Variants in CEP70 observed in about 807,000 individuals in gnomAD.
CEP70 encodes the protein centrosomal protein 70, also known as centrosomal protein of 70 kDa.
In CEP70, 70 loss-of-function variants were observed where a neutral mutation model predicts 90.9. That is an observed-to-expected ratio of 0.77 (90% confidence interval 0.64 to 0.94). CEP70 has a LOEUF of 0.94. CEP70 is among the 40% of genes least tolerant of loss of function. The probability of loss-of-function intolerance (pLI) is 0.00; values close to 1 mark genes in which losing one functional copy is unlikely to be tolerated. For synonymous variants in CEP70, 220 were observed against 228.3 expected, an observed-to-expected ratio of 0.96 and a Z score of 0.33; for missense variants, 648 against 669.0, an observed-to-expected ratio of 0.97 and a Z score of 0.35.
intron 2 of CEP70, among the ~76,000 whole-genome samples, chr3:138,581,694 C>CAAAAAAAAAAAAAAAAAAAA (rs35064874): frequency 3.8e-5 from 3 of 79,354 alleles, no homozygotes; most frequent in Admixed American, 1.5e-4. Context: ...AAACTTGTCT[C>CAAAAAAAAAAAAAAAAAAAA]AAAAAAAAAA....
chr3:138,514,600 A>C (rs2035834645), intron 11 of CEP70, among the ~76,000 whole-genome samples: 1 of 152,118 alleles, frequency 6.6e-6, no homozygotes, highest in Non-Finnish European at 1.5e-5. Flanking sequence ...TTTACCTTGA[A>C]AAGTAAATTT....
chr3:138,508,374 C>T (rs1307576554), intron 12 of CEP70, 65 bp downstream of exon 12: 12 of 1,021,202 alleles, frequency 1.2e-5, no homozygotes, highest in Non-Finnish European at 1.9e-5. Context: ...TTTATTACAC[C>T]ACAACTGATA....
At chr3:138,514,662 T>G (rs1386890315) in intron 11 of CEP70, among the ~76,000 whole-genome samples, 1 of 152,136 alleles carries the variant, frequency 6.6e-6, no homozygotes, top group Admixed American at 6.5e-5. Flanking sequence ...TTTAAGTTTT[T>G]AAAATCTTTT....
At chr3:138,495,264 C>T (rs1286682646) in intron 17 of CEP70, among the ~76,000 whole-genome samples, 188 bp from the exon 18 acceptor site, 1 of 152,220 alleles carries the variant, frequency 6.6e-6, no homozygotes, top group Non-Finnish European at 1.5e-5. Flanking sequence ...AGATGCTTCA[C>T]AGGGGCTCTG....
chr3:138,537,630 T>A (rs1052735749), intron 6 of CEP70, among the ~76,000 whole-genome samples: 4 of 152,156 alleles, frequency 2.6e-5, no homozygotes, highest in African/African-American at 4.8e-5. Context: ...AGAATTTCCA[T>A]AAAACTGGTA....
In CEP70 at chr3:138,556,308, T is replaced by C. The variant is rs147272323; in HGVS notation, c.465+14010A>G. Among the ~76,000 whole-genome samples the C allele has an allele frequency of 5.6e-3, 858 of 152,108 alleles. 7 individuals carry two copies. The highest frequency in any genetic ancestry group is 0.02 in the African/African-American group (826 of 41,494). ...ACTTTCGGAGGCTAAGGTGGGTGGATCATGAGGTCAGGAGATCAAGACCAT... is the reference window on the plus strand; with the variant it reads ...ACTTTCGGAGGCTAAGGTGGGTGGACCATGAGGTCAGGAGATCAAGACCAT... On this transcript the variant is annotated intron_variant, in intron 6 of 17. Transcript: ENST00000264982.
intron 11 of CEP70, among the ~76,000 whole-genome samples, chr3:138,523,566 T>C (rs1279447816): frequency 1.3e-5 from 2 of 152,030 alleles, no homozygotes; most frequent in Non-Finnish European, 2.9e-5. Flanking sequence ...TCACAAGCAT[T>C]CTTATACACC....
chr3:138,573,190 C>CCA (rs991363767), intron 2 of CEP70, among the ~76,000 whole-genome samples: 1 of 151,742 alleles, frequency 6.6e-6, no homozygotes, highest in Non-Finnish European at 1.5e-5. Flanking sequence ...TACACATATA[C>CCA]CACACACACA....
chr3:138,543,038 A>T (rs1387451961), intron 6 of CEP70, among the ~76,000 whole-genome samples: 1 of 152,176 alleles, frequency 6.6e-6, no homozygotes, highest in Non-Finnish European at 1.5e-5. Context: ...GCCTGGAAAA[A>T]GCATCATCCA....
chr3:138,571,488 T>C lies in CEP70; in HGVS notation c.70-132A>G, dbSNP rs112639461. The C allele has an allele frequency of 1.6e-4, 99 of 634,476 alleles. 1 individual carries two copies. The East Asian group carries it at 2.5e-3, about 16-fold the overall frequency. The allele number at this position is 634,476 out of a possible 1,614,324, so 39.3% of individuals were successfully genotyped here. On this transcript the variant is annotated intron_variant, in intron 3 of 17. Transcript: ENST00000264982. ...TTTTAAGTATAAATGTTTATGCATA[T>C]ATAATATCCAAAAAACACATTTATT...
intron 6 of CEP70, among the ~76,000 whole-genome samples, chr3:138,554,567 C>T (rs1047696773): frequency 3.0e-4 from 46 of 152,256 alleles, no homozygotes; most frequent in Admixed American, 2.5e-3. Context: ...ACCTAGAAAA[C>T]TCCTTAGAGT....
At chr3:138,567,701 A>G (rs2040882881) in intron 6 of CEP70, among the ~76,000 whole-genome samples, 1 of 152,058 alleles carries the variant, frequency 6.6e-6, no homozygotes, top group African/African-American at 2.4e-5. Flanking sequence ...TTGTCTTGCC[A>G]CTTCTCTGCA....
intron 8 of CEP70, chr3:138,531,588 G>C (rs1483592110): frequency 6.6e-6 from 1 of 152,096 alleles, no homozygotes; most frequent in East Asian, 1.9e-4. Context: ...TTGGAAGTCA[G>C]AAGGTCCCTG....
chr3:138,532,227 A>G (rs910720740), intron 8 of CEP70, among the ~76,000 whole-genome samples: 17 of 152,298 alleles, frequency 1.1e-4, no homozygotes, highest in South Asian at 6.2e-4. Context: ...GGGCTAGATC[A>G]TATCAGTAGA....
intron 6 of CEP70, among the ~76,000 whole-genome samples, chr3:138,565,986 A>G (rs184005293): frequency 6.6e-6 from 1 of 152,300 alleles, no homozygotes; most frequent in East Asian, 1.9e-4. Context: ...AAGAAAAAAA[A>G]CAAACAACCC....
intron 6 of CEP70, among the ~76,000 whole-genome samples, chr3:138,554,177 G>C (rs1442251365): frequency 6.7e-6 from 1 of 149,298 alleles, no homozygotes. Context: ...CTCTAGCCTG[G>C]ACAACAGAGT....
rs146444887 is a variant in CEP70, at chr3:138,534,801, C to A, written c.636-2231G>T. Among the ~76,000 whole-genome samples, 855 of 152,280 alleles carry A rather than the reference C, an allele frequency of 5.6e-3. 7 individuals are homozygous for A. The highest frequency in any genetic ancestry group is 0.02 in the African/African-American group (824 of 41,558). ...CTAAGTATATATCCATAAATGAATT[C>A]ATCGGTTTCTTCCCCGTTCCTTCAA... On this transcript the variant is annotated intron_variant, in intron 7 of 17. Transcript: ENST00000264982.
chr3:138,571,881 C>A (rs946929162), intron 3 of CEP70, among the ~76,000 whole-genome samples: 2 of 152,170 alleles, frequency 1.3e-5, no homozygotes, highest in Non-Finnish European at 2.9e-5. Flanking sequence ...CAGGTTCACA[C>A]CATTCTCCTG....
chr3:138,543,213 C>A (rs2038903475), intron 6 of CEP70, among the ~76,000 whole-genome samples: 1 of 152,206 alleles, frequency 6.6e-6, no homozygotes, highest in African/African-American at 2.4e-5. Context: ...CCACCATCAA[C>A]ATGCCATCTG....
Sources: allele counts gnomAD v4.1 joint callset (sites outside exome capture counted in the v4.1 genomes callset), GRCh38; gene constraint gnomAD v4.1.1; transcripts MANE v1.5; gene names NCBI Gene and HGNC (gene_info 2026-07-23, HGNC 2026-07-21).